Variants in RIMS1 observed in about 807,000 individuals in gnomAD.
RIMS1 encodes the protein regulating synaptic membrane exocytosis protein 1.
In RIMS1, 83 loss-of-function variants were observed where a neutral mutation model predicts 214.1. The ratio of observed to expected loss-of-function variants is 0.39; its 90% confidence interval spans 0.32 to 0.47. The LOEUF (loss-of-function observed/expected upper bound fraction) is 0.47. RIMS1 is among the 20% of genes least tolerant of loss of function. The probability of loss-of-function intolerance (pLI) is 0.99; values close to 1 mark genes in which losing one functional copy is unlikely to be tolerated. For synonymous variants in RIMS1, 793 were observed against 786.8 expected, an observed-to-expected ratio of 1.01 and a Z score of -0.13; for missense variants, 2,050 against 2,161.8, an observed-to-expected ratio of 0.95 and a Z score of 1.03.
chr6:72,137,747 T>A (rs1302865142), intron 4 of RIMS1, among the ~76,000 whole-genome samples: 1 of 148,102 alleles, frequency 6.8e-6, no homozygotes, highest in Non-Finnish European at 1.5e-5. Context: ...TTTTTTTTTT[T>A]TTTTTTTGAG....
At chr6:72,027,341 T>C (rs1017607903) in intron 2 of RIMS1, among the ~76,000 whole-genome samples, 2 of 152,176 alleles carry the variant, frequency 1.3e-5, no homozygotes, top group African/African-American at 4.8e-5. Flanking sequence ...TTTGCCTCTC[T>C]GAAGGGGCAA....
chr6:72,038,974 G>GA (rs1232535453), intron 2 of RIMS1, among the ~76,000 whole-genome samples: 2 of 151,796 alleles, frequency 1.3e-5, no homozygotes, highest in Non-Finnish European at 2.9e-5. Flanking sequence ...TTTATAACTT[G>GA]AAAAAATATT....
intron 22 of RIMS1, among the ~76,000 whole-genome samples, chr6:72,273,173 C>T (rs2084304718): frequency 2.0e-5 from 3 of 151,992 alleles, no homozygotes; most frequent in Non-Finnish European, 1.5e-5. Context: ...CTGATGACCT[C>T]GCATATCCTG....
At chr6:72,124,506 GA>G (rs2039103646) in intron 4 of RIMS1, among the ~76,000 whole-genome samples, 1 of 151,840 alleles carries the variant, frequency 6.6e-6, no homozygotes, top group Non-Finnish European at 1.5e-5. Context: ...TATGTTTCCT[GA>G]AGTTGAATGT....
chr6:71,950,377 GA>G (rs11373059), intron 1 of RIMS1, among the ~76,000 whole-genome samples: 17 of 149,864 alleles, frequency 1.1e-4, no homozygotes, highest in African/African-American at 2.0e-4. Flanking sequence ...ACCTTAATCT[GA>G]AAAAAAAAGC....
At chr6:72,274,187 T>C (rs1486873524) in intron 22 of RIMS1, among the ~76,000 whole-genome samples, 162 bp from the exon 23 acceptor site, 2 of 152,228 alleles carry the variant, frequency 1.3e-5, no homozygotes, top group African/African-American at 4.8e-5. Context: ...TTGTAACTTA[T>C]CTTTCCAAGG....
chr6:72,263,700 C>T (rs2079052433), intron 19 of RIMS1: 1 of 985,048 alleles, frequency 1.0e-6, no homozygotes, highest in Non-Finnish European at 1.2e-6. Flanking sequence ...TAAAATTTGT[C>T]CTCAACTTGT....
intron 4 of RIMS1, among the ~76,000 whole-genome samples, chr6:72,131,774 G>A (rs144899026): frequency 6.6e-6 from 1 of 152,214 alleles, no homozygotes; most frequent in African/African-American, 2.4e-5. Context: ...TAATAAGCCT[G>A]GGAGCACTAT....
At chr6:72,319,977 A>G (rs778024136) in intron 28 of RIMS1, among the ~76,000 whole-genome samples, 3 of 152,168 alleles carry the variant, frequency 2.0e-5, no homozygotes, top group East Asian at 1.9e-4. Flanking sequence ...GGTATGAAGT[A>G]TTAGATAAGT....
intron 1 of RIMS1, among the ~76,000 whole-genome samples, chr6:71,897,707 C>T (rs887246954): frequency 6.6e-6 from 1 of 152,110 alleles, no homozygotes; most frequent in Non-Finnish European, 1.5e-5. Context: ...ACAGTGTCCT[C>T]TCAGTACAGC....
At chr6:72,254,946 T>C (rs1321842747) in intron 16 of RIMS1, among the ~76,000 whole-genome samples, 1 of 152,220 alleles carries the variant, frequency 6.6e-6, no homozygotes, top group Non-Finnish European at 1.5e-5. Flanking sequence ...TTTAAAAATG[T>C]AATGAGTCAA....
At position 72,160,377 on chromosome 6, in the gene RIMS1, T is replaced by C. The variant is rs371199335; in HGVS notation, c.472-19198T>C. On this transcript the variant is annotated intron_variant, in intron 4 of 33. Coordinates refer to ENST00000521978, the MANE Select transcript of RIMS1 (RefSeq NM_014989.7). ...TTTCCTAATTGAATACCCTTTATTT[T>C]CTTCTCCTGCCTGATTGCCCTGGCC... Among the ~76,000 whole-genome samples, 3 of 139,632 alleles carry C rather than the reference T, an allele frequency of 2.1e-5. 1 individual carries two copies. Among genetic ancestry groups the C allele is most frequent in the Admixed American group, 7.4e-5 (1 of 13,506 alleles). 91.6% of individuals were successfully genotyped at this position (139,632 alleles called of 152,430 possible).
chr6:72,290,914 G>A, intron 25 of RIMS1, 53 bp downstream of exon 25: 2 of 1,565,218 alleles, frequency 1.3e-6, no homozygotes, highest in Non-Finnish European at 1.8e-6. Flanking sequence ...GGGTGTTGGT[G>A]TGGTGTTGTA....
intron 2 of RIMS1, among the ~76,000 whole-genome samples, chr6:72,055,688 G>T (rs890250641): frequency 2.0e-5 from 3 of 152,018 alleles, no homozygotes; most frequent in African/African-American, 7.2e-5. Context: ...AATTATTAGA[G>T]AAATCAAAAT....
chr6:72,261,210 T>G (rs1273569965), intron 19 of RIMS1: 1 of 1,015,894 alleles, frequency 9.8e-7, no homozygotes, highest in East Asian at 1.0e-4. Context: ...GAATTTATTG[T>G]TGTTTATATT....
chr6:72,369,823 G>A (rs764294189), intron 29 of RIMS1, among the ~76,000 whole-genome samples: 20 of 152,314 alleles, frequency 1.3e-4, no homozygotes, highest in South Asian at 2.1e-4. Flanking sequence ...ATTGCTAGGC[G>A]AAAGCAGCCA....
intron 29 of RIMS1, chr6:72,366,613 T>C (rs756815348): frequency 1.9e-5 from 15 of 806,238 alleles, no homozygotes; most frequent in Non-Finnish European, 2.3e-5. Flanking sequence ...CAATAAGCTA[T>C]AGGAAAGAAG....
chr6:72,359,395 A>C (rs901796337), intron 29 of RIMS1, among the ~76,000 whole-genome samples: 1 of 152,182 alleles, frequency 6.6e-6, no homozygotes, highest in African/African-American at 2.4e-5. Flanking sequence ...GTGGGAGTCA[A>C]ACATTGGTTA....
chr6:72,301,265 G>A (rs1592572985), intron 26 of RIMS1, among the ~76,000 whole-genome samples: 1 of 151,666 alleles, frequency 6.6e-6, no homozygotes. Flanking sequence ...TTCCAAGAAA[G>A]TGTGCCAGAA....
Sources: allele counts gnomAD v4.1 joint callset (sites outside exome capture counted in the v4.1 genomes callset), GRCh38; gene constraint gnomAD v4.1.1; transcripts MANE v1.5; gene names NCBI Gene and HGNC (gene_info 2026-07-23, HGNC 2026-07-21).